Variants in MSRA observed in about 807,000 individuals in gnomAD.
MSRA encodes methionine sulfoxide reductase A.
A neutral mutation model predicts 31.3 loss-of-function variants in MSRA; 54 were observed. The ratio of observed to expected loss-of-function variants is 1.73; its 90% CI spans 1.39 to 2.17. The LOEUF (loss-of-function observed/expected upper bound fraction) is 2.17, where lower values mean the gene tolerates loss of function less well. Among genes scored for constraint, MSRA ranks in the 30% most tolerant of loss-of-function variants. The probability of loss-of-function intolerance (pLI) is 0.00; values close to 1 mark genes in which losing one functional copy is unlikely to be tolerated. For synonymous variants in MSRA, 169 were observed against 116.5 expected, an observed-to-expected ratio of 1.45 and a Z score of -2.90; for missense variants, 507 against 300.9, an observed-to-expected ratio of 1.69 and a Z score of -5.07.
intron 1 of MSRA, among the ~76,000 whole-genome samples, chr8:10,154,446 C>T (rs1197084514): frequency 2.0e-5 from 3 of 152,056 alleles, no homozygotes; most frequent in African/African-American, 4.8e-5. Context: ...GGCACAATCT[C>T]GGCTCACTGC....
chr8:10,214,484 G>T (rs766001521), intron 2 of MSRA, among the ~76,000 whole-genome samples: 1 of 152,134 alleles, frequency 6.6e-6, no homozygotes, highest in Non-Finnish European at 1.5e-5. Context: ...AAGTGTCTTG[G>T]TGTCTCACTG....
chr8:10,082,073 G>C (rs554551662), intron 1 of MSRA, among the ~76,000 whole-genome samples: 1 of 152,082 alleles, frequency 6.6e-6, no homozygotes, highest in Non-Finnish European at 1.5e-5. Flanking sequence ...TGGTGTGGTG[G>C]TGTGCACCCG....
rs1037405897 is a variant in MSRA, at chr8:10,287,427, G to C, written c.332-14107G>C. Among the ~76,000 whole-genome samples the C allele has an allele frequency of 3.9e-5, 6 of 152,194 alleles. No homozygotes were observed. The South Asian group carries it at 1.2e-3, about 32-fold the overall frequency. On this transcript the variant is annotated intron_variant, in intron 3 of 5. Transcript: ENST00000317173. The stretch of plus-strand genomic sequence containing the variant: ...TGAAAGCATTTCATGAGCTACAAAA[G>C]TGTTACACCAATCTAAGGTATCATC...
chr8:10,281,609 A>G (rs182701407), intron 3 of MSRA, among the ~76,000 whole-genome samples: 101 of 152,354 alleles, frequency 6.6e-4, no homozygotes, highest in African/African-American at 2.4e-3. Flanking sequence ...GAAAAATGCT[A>G]TCGATAAGAA....
At chr8:10,391,902 C>T (rs1300358111) in intron 5 of MSRA, among the ~76,000 whole-genome samples, 2 of 152,126 alleles carry the variant, frequency 1.3e-5, no homozygotes, top group Non-Finnish European at 2.9e-5. Flanking sequence ...ATGCAGTGAA[C>T]ATTTCCTGAC....
At chr8:10,089,419 A>T (rs1221670221) in intron 1 of MSRA, among the ~76,000 whole-genome samples, 2 of 152,206 alleles carry the variant, frequency 1.3e-5, no homozygotes, top group African/African-American at 4.8e-5. Flanking sequence ...AAATCAGGTA[A>T]ACAGTAAAAA....
intron 5 of MSRA, among the ~76,000 whole-genome samples, chr8:10,333,425 G>T (rs1282517687): frequency 6.6e-6 from 1 of 152,184 alleles, no homozygotes; most frequent in African/African-American, 2.4e-5. Flanking sequence ...TACACACACA[G>T]CTGCATTCCT....
intron 4 of MSRA, among the ~76,000 whole-genome samples, chr8:10,313,632 C>T (rs1359306531): frequency 6.6e-6 from 1 of 152,182 alleles, no homozygotes; most frequent in African/African-American, 2.4e-5. Flanking sequence ...GAGATCCCAA[C>T]AGTTTTGTTG....
intron 1 of MSRA, among the ~76,000 whole-genome samples, chr8:10,070,855 T>C (rs1268260162): frequency 1.3e-5 from 2 of 152,172 alleles, no homozygotes; most frequent in Non-Finnish European, 2.9e-5. Context: ...CATTACAGAG[T>C]ATTATTACTT....
intron 5 of MSRA, among the ~76,000 whole-genome samples, chr8:10,422,515 C>G (rs1443661580): frequency 1.3e-5 from 2 of 152,204 alleles, no homozygotes; most frequent in African/African-American, 4.8e-5. Context: ...CAGAAATTCC[C>G]TGGGCCAGGT....
chr8:10,401,976 G>A (rs1807494491), intron 5 of MSRA, among the ~76,000 whole-genome samples: 1 of 152,200 alleles, frequency 6.6e-6, no homozygotes, highest in African/African-American at 2.4e-5. Flanking sequence ...GGATAGTGGT[G>A]ATGGTTGCAC....
At chr8:10,073,872 C>T (rs906586518) in intron 1 of MSRA, among the ~76,000 whole-genome samples, 1 of 151,890 alleles carries the variant, frequency 6.6e-6, no homozygotes, top group South Asian at 2.1e-4. Flanking sequence ...TCTTCTTGAC[C>T]TCAACCTTCT....
At chr8:10,186,437 T>G (rs1232866967) in intron 1 of MSRA, among the ~76,000 whole-genome samples, 1 of 152,166 alleles carries the variant, frequency 6.6e-6, no homozygotes. Context: ...TTGAATCTCT[T>G]AGAATTTGCA....
chr8:10,426,094 A>C (rs970458689), intron 5 of MSRA, among the ~76,000 whole-genome samples: 2 of 152,168 alleles, frequency 1.3e-5, no homozygotes, highest in African/African-American at 4.8e-5. Flanking sequence ...GGCAAATGCT[A>C]GCGATGGTTC....
rs117013414 is a variant in MSRA at position 10,339,476 on chromosome 8, G to C, written c.543+19487G>C. Among the ~76,000 whole-genome samples the C allele has an allele frequency of 1.5e-3, 229 of 151,262 alleles. 7 individuals are homozygous for C. In the East Asian group the frequency reaches 0.04, roughly 27 times the overall value. ...TTCAGTGTCTGTCCTGTTCTTCGTG[G>C]TCAGGATTTTTGTGTTTGTTTTATT... On this transcript the variant is annotated intron_variant, in intron 5 of 5. Coordinates refer to ENST00000317173, the MANE Select transcript of MSRA (RefSeq NM_012331.5).
chr8:10,412,256 CTTAAT>C (rs761034162), intron 5 of MSRA, among the ~76,000 whole-genome samples: 88 of 152,320 alleles, frequency 5.8e-4, no homozygotes, highest in African/African-American at 1.9e-3. Context: ...TTAAGTGTTT[CTTAAT>C]TTAATCCAAA....
intron 5 of MSRA, among the ~76,000 whole-genome samples, chr8:10,348,251 T>G (rs2129156087): frequency 6.6e-6 from 1 of 152,280 alleles, no homozygotes; most frequent in Middle Eastern, 3.4e-3. Flanking sequence ...TGCTTTGTAT[T>G]TGAATCCGTG....
At chr8:10,193,168 C>T (rs1294712215) in intron 1 of MSRA, among the ~76,000 whole-genome samples, 1 of 152,210 alleles carries the variant, frequency 6.6e-6, no homozygotes, top group Non-Finnish European at 1.5e-5. Flanking sequence ...TATGCCAAGT[C>T]ACACTCGTCT....
At chr8:10,270,918 G>A (rs748572085) in intron 3 of MSRA, among the ~76,000 whole-genome samples, 16 of 152,284 alleles carry the variant, frequency 1.1e-4, no homozygotes, top group Non-Finnish European at 2.1e-4. Context: ...CCACAGCTTG[G>A]CTTTGCCACG....
Sources: gnomAD v4.1 joint callset for allele counts (sites outside exome capture counted in the v4.1 genomes callset) on GRCh38, gnomAD v4.1.1 for gene constraint, MANE v1.5 for transcripts, NCBI Gene and HGNC (gene_info 2026-07-23, HGNC 2026-07-21) for gene names.